NPAS1: variants seen among roughly 807,000 people sequenced by gnomAD.
NPAS1 encodes neuronal PAS domain-containing protein 1.
Under a neutral mutation model 49.2 loss-of-function variants are expected in NPAS1, and 29 were observed. That is an observed-to-expected ratio of 0.59 (90% CI 0.44 to 0.80). The LOEUF (loss-of-function observed/expected upper bound fraction) is 0.80. Among genes scored for constraint, NPAS1 ranks in the 30% least tolerant of loss-of-function variants. The pLI is 0.00. For synonymous variants in NPAS1, 408 were observed against 380.4 expected (o/e 1.07, Z -0.84); for missense variants, 825 against 835.5 (o/e 0.99, Z 0.15).
chr19:47,039,287 G>T (rs982514274), intron 7 of NPAS1, 120 bp from the exon 8 acceptor site: 23 of 1,481,388 alleles, frequency 1.6e-5, no homozygotes, highest in South Asian at 1.0e-4. Context: ...GACTGGGGGG[G>T]TCACACAGTG....
chr19:47,045,341 C>T lies in NPAS1; in HGVS notation c.1463C>T (p.Ala488Val). The T allele has an allele frequency of 6.2e-7, 1 of 1,613,874 alleles. No homozygotes were observed. ...SGDEDPSSHPATPRPEFTSVI... is the reference protein window; with the variant it reads ...SGDEDPSSHPVTPRPEFTSVI... ...GACGAGGATCCCTCCAGCCACCCGG[C>T]CACACCGAGGCCCGAGTTCACCTCT... The change falls in exon 12 of 12, where the codon GCC becomes GTC. Residue 488 changes from alanine to valine, a missense_variant. Coordinates refer to ENST00000602212, the MANE Select transcript of NPAS1 (RefSeq NM_002517.4).
chr19:47,045,618 C>T lies in NPAS1; in HGVS notation c.1740C>T (p.Pro580=), dbSNP rs760405852. The T allele has an allele frequency of 2.8e-5, 40 of 1,440,760 alleles. No individual in the cohort carries two copies. The highest frequency in any genetic ancestry group is 5.0e-4 in the Middle Eastern group (2 of 3,978). The allele number at this position is 1,440,760 out of a possible 1,614,324, so 89.2% of individuals were successfully genotyped here. The change falls in exon 12 of 12, where the codon CCC becomes CCT. Residue 580 remains proline, a synonymous_variant. Transcript: ENST00000602212. ...CCCTGGGCCTGCCCTACCCGGGGCC[C>T]GCGGGCACCAGGCTGCCGCGGAAGG... The part of the protein sequence containing the change: ...YPPLGLPYPG[P]AGTRLPRKGD
At chr19:47,043,596 A>G (rs1201876391) in intron 11 of NPAS1, among the ~76,000 whole-genome samples, 2 of 136,964 alleles carry the variant, frequency 1.5e-5, no homozygotes, top group Non-Finnish European at 3.0e-5. Flanking sequence ...AACAAAACAA[A>G]CAAACAAAAA....
intron 7 of NPAS1, 35 bp from the exon 8 acceptor site, chr19:47,039,372 C>T (rs767849798): frequency 8.6e-5 from 138 of 1,609,614 alleles, no homozygotes; most frequent in Non-Finnish European, 1.1e-4. Context: ...ACTGGCCCGC[C>T]TTGTCCCTCC....
Position 47,040,604 on chromosome 19 carries a change from T to C in NPAS1, c.1069+54T>C, listed in dbSNP as rs1242353627. 3 of 1,254,692 alleles carry C rather than the reference T, an allele frequency of 2.4e-6. No homozygotes were observed. In the African/African-American group the frequency reaches 4.4e-5, roughly 18 times the overall value. The allele number at this position is 1,254,692 out of a possible 1,614,324, so 77.7% of individuals were successfully genotyped here. On this transcript the variant is annotated intron_variant, in intron 9 of 11. Coordinates refer to ENST00000602212, the MANE Select transcript of NPAS1 (RefSeq NM_002517.4). ...GCCTACCACCCCCCAGACCCGAGCA[T>C]CCCACTCCCTGGTCCCTGGAAGTCC...
Position 47,045,478 on chromosome 19 carries a change from CG to C in NPAS1, c.1604del (p.Gly535AlafsTer?). 6.4e-7 allele frequency: 1 copy of C among 1,572,434 alleles called. No homozygotes were observed. The highest frequency in any genetic ancestry group is 8.6e-7 in the Non-Finnish European group (1 of 1,163,064). On this transcript the variant is annotated frameshift_variant, in exon 12 of 12. Transcript: ENST00000602212. LOFTEE classifies it high-confidence loss of function. ...LHAGFLPPVVRGLCTPGTIRY... is the reference protein window; with the variant it reads ...LHAGFLPPVVXGLCTPGTIRY... ...CGCGGGCTTCCTGCCGCCGGTGGTG[CG>C]GGGCCTGTGCACACCCGGCACCATC...
chr19:47,040,325 A>G (rs1206825103), intron 8 of NPAS1, 119 bp from the exon 9 acceptor site: 1 of 649,938 alleles, frequency 1.5e-6, no homozygotes, highest in Middle Eastern at 2.5e-4. Flanking sequence ...GCCTGCCAAC[A>G]CTGTTATTGC....
In NPAS1 at chr19:47,021,661, C is replaced by A; in HGVS notation, c.172C>A (p.Arg58Ser). ...EKSRNAARSR[R>S]GKENLEFFEL... ...GTCCCGGAACGCGGCGCGCTCGCGG[C>A]GCGGGAAGGAGAACCTGGAGTTCTT... Residue 58 changes from arginine (R) to serine (S), a missense_variant, in exon 3 of 12, where the codon CGC becomes AGC. By Grantham distance (110) the Arg-to-Ser change is moderately radical. Transcript: ENST00000602212. The surrounding 1 kb of genome is among the most constrained non-coding windows in gnomAD (Gnocchi z 5.7). The A allele has an allele frequency of 6.4e-7, 1 of 1,555,926 alleles. No individual in the cohort carries two copies.
intron 1 of NPAS1, among the ~76,000 whole-genome samples, chr19:47,020,728 C>T (rs868823863): frequency 3.3e-5 from 5 of 150,604 alleles, no homozygotes. Flanking sequence ...GCCGCGTGCG[C>T]CCATTGGTAT....
rs2056844198 is a variant in NPAS1 at position 47,021,833 on chromosome 19, C to G, written c.344C>G (p.Pro115Arg). Residue 115 changes from proline to arginine, a missense_variant, in exon 3 of 12, where the codon CCG (proline) becomes CGG (arginine). By Grantham distance (103) the Pro-to-Arg change is moderately radical (BLOSUM62 -2). Transcript: ENST00000602212. This position sits in a 1 kb window ranked among gnomAD's most constrained non-coding sequence, Gnocchi z 5.7. ...CCCTGGGGGCTGAGAGCCGCGGGGCCGCCAGCTGGCCTCGGTGAGTGCTCA... is the reference window on the plus strand; with the variant it reads ...CCCTGGGGGCTGAGAGCCGCGGGGCGGCCAGCTGGCCTCGGTGAGTGCTCA... ...APPWGLRAAG[P>R]PAGLAPGRRG... The G allele has an allele frequency of 1.3e-6, 2 of 1,500,936 alleles. No individual in the cohort carries two copies. Among genetic ancestry groups the G allele is most frequent in the Non-Finnish European group, 1.8e-6 (2 of 1,129,986 alleles). The allele number at this position is 1,500,936 out of a possible 1,614,324, so 93.0% of individuals were successfully genotyped here.
rs1334485119 is a variant in NPAS1, at chr19:47,045,325, C to G, written c.1447C>G (p.Pro483Ala). Residue 483 changes from proline to alanine, a missense_variant, in exon 12 of 12, where the codon CCC becomes GCC. By Grantham distance (27) the Pro-to-Ala change is conservative (BLOSUM62 -1). Transcript: ENST00000602212. ...CTCCGAGGACAGTGGCGACGAGGAT[C>G]CCTCCAGCCACCCGGCCACACCGAG... ...KGSEDSGDED[P>A]SSHPATPRPE... The G allele has an allele frequency of 1.9e-6, 3 of 1,613,956 alleles. No individual in the cohort carries two copies. Among genetic ancestry groups the G allele is most frequent in the Non-Finnish European group, 2.5e-6 (3 of 1,180,010 alleles).
At chr19:47,020,483 G>A (rs919285817) in intron 1 of NPAS1, among the ~76,000 whole-genome samples, 89 of 152,066 alleles carry the variant, frequency 5.9e-4, no homozygotes, top group Non-Finnish European at 8.8e-4. Flanking sequence ...GGGATCCCTG[G>A]GCAGGACACA....
chr19:47,036,007 G>C lies in NPAS1; in HGVS notation c.566G>C (p.Gly189Ala), dbSNP rs201134548. 752 of 1,582,028 alleles carry C rather than the reference G, an allele frequency of 4.8e-4. No homozygotes were observed. Among genetic ancestry groups the C allele is most frequent in the Non-Finnish European group, 6.3e-4 (730 of 1,165,990 alleles). ...GSSVFDYIHP[G>A]DHSEVLEQLG... The stretch of plus-strand genomic sequence containing the variant: ...AGCGTCTTCGACTACATTCACCCTG[G>C]GGACCACTCAGAGGTGCTGGAGCAA... The change falls in exon 6 of 12, where the codon GGG (glycine) becomes GCG (alanine). Residue 189 changes from glycine to alanine, a missense_variant. By Grantham distance (60) the Gly-to-Ala change is moderately conservative. Coordinates refer to ENST00000602212, the MANE Select transcript of NPAS1 (RefSeq NM_002517.4).
intron 6 of NPAS1, among the ~76,000 whole-genome samples, chr19:47,038,448 C>T (rs539069967): frequency 9.4e-5 from 14 of 148,780 alleles, no homozygotes; most frequent in Non-Finnish European, 1.5e-4. Context: ...ACTGGGGAGA[C>T]GGAGGTCGCA....
chr19:47,036,734 T>A (rs1443486107), intron 6 of NPAS1, among the ~76,000 whole-genome samples: 4 of 122,980 alleles, frequency 3.3e-5, no homozygotes, highest in African/African-American at 9.2e-5. Context: ...AAAAAAAAAA[T>A]TAGCTGGGTA....
intron 4 of NPAS1, 86 bp from the exon 5 acceptor site, chr19:47,032,557 A>T: frequency 7.7e-7 from 1 of 1,304,524 alleles, no homozygotes; most frequent in Non-Finnish European, 1.1e-6. Flanking sequence ...GTGGAGACCC[A>T]GGTTTCAGAA....
At chr19:47,022,132 A>G (rs1254314832) in intron 3 of NPAS1, among the ~76,000 whole-genome samples, 1 of 152,142 alleles carries the variant, frequency 6.6e-6, no homozygotes, top group Non-Finnish European at 1.5e-5. Context: ...ATTAGAGGAG[A>G]GGAATCATTA....
At chr19:47,025,706 GC>G (rs1568500678) in intron 3 of NPAS1, among the ~76,000 whole-genome samples, 1 of 151,918 alleles carries the variant, frequency 6.6e-6, no homozygotes, top group Admixed American at 6.6e-5. Flanking sequence ...CTTCCAAGTA[GC>G]CAGGACTACA....
At chr19:47,029,057 TTTTG>T (rs142554133) in intron 3 of NPAS1, among the ~76,000 whole-genome samples, 19,959 of 151,604 alleles carry the variant, frequency 0.13, 1,412 homozygotes, top group East Asian at 0.25. Flanking sequence ...TTTTTTTAGT[TTTTG>T]TTTGTTTGTT....
Sources: gnomAD v4.1 joint callset for allele counts (sites outside exome capture counted in the v4.1 genomes callset) on GRCh38, gnomAD v4.1.1 for gene constraint, Gnocchi (gnomAD v3.1) non-coding constraint, MANE v1.5 for transcripts, NCBI Gene and HGNC (gene_info 2026-07-23, HGNC 2026-07-21) for gene names.